Variants in GABRA1 observed in about 807,000 individuals in gnomAD.
The protein encoded by GABRA1 is gamma-aminobutyric acid type A receptor subunit alpha1.
A neutral mutation model predicts 48.9 loss-of-function variants in GABRA1; 9 were observed. The ratio of observed to expected loss-of-function variants is 0.18; its 90% CI spans 0.11 to 0.32. GABRA1 has a LOEUF of 0.32. Ranked by LOEUF, GABRA1 falls within the 10% of genes least tolerant of loss-of-function variation. The pLI is 1.00. For synonymous variants in GABRA1, 210 were observed against 198.7 expected, an observed-to-expected ratio of 1.06 and a Z score of -0.48; for missense variants, 285 against 553.8, an observed-to-expected ratio of 0.51 and a Z score of 4.87.
In GABRA1 at chr5:161,882,683, A is replaced by C; in HGVS notation, c.685A>C (p.Ile229Leu). ...DLLGQTVDSG[I>L]VQSSTGEYVV... ...TCTTGGACAAACAGTAGACTCTGGA[A>C]TTGTCCAGTCAAGTACAGGTAAGTA... The change falls in exon 7 of 10, where the codon ATT becomes CTT. Residue 229 changes from isoleucine (I) to leucine (L), a missense_variant. Coordinates refer to ENST00000393943, the MANE Select transcript of GABRA1 (RefSeq NM_001127644.2). 1 of 1,613,522 alleles carries C rather than the reference A, an allele frequency of 6.2e-7. No individual in the cohort carries two copies. The highest frequency in any genetic ancestry group is 8.5e-7 in the Non-Finnish European group (1 of 1,179,644).
chr5:161,892,183 G>C (rs913324358), intron 8 of GABRA1, among the ~76,000 whole-genome samples: 2 of 152,112 alleles, frequency 1.3e-5, no homozygotes, highest in Non-Finnish European at 2.9e-5. Context: ...TCACCACTAC[G>C]TATTTATTGG....
chr5:161,884,433 G>T (rs1012592010), intron 7 of GABRA1, among the ~76,000 whole-genome samples: 2 of 152,218 alleles, frequency 1.3e-5, no homozygotes, highest in Non-Finnish European at 2.9e-5. Flanking sequence ...ATTTTTTTGT[G>T]ATGGAAGAGA....
At chr5:161,883,256 T>C (rs1182968166) in intron 7 of GABRA1, among the ~76,000 whole-genome samples, 1 of 152,168 alleles carries the variant, frequency 6.6e-6, no homozygotes, top group Non-Finnish European at 1.5e-5. Flanking sequence ...TAACCAAGCA[T>C]CTTCCGCAGC....
chr5:161,850,762 A>T, intron 1 of GABRA1, 34 bp from the exon 2 acceptor site: 1 of 1,558,528 alleles, frequency 6.4e-7, no homozygotes. Context: ...GTTTCTTGCT[A>T]GAGACATTGA....
intron 7 of GABRA1, among the ~76,000 whole-genome samples, chr5:161,887,743 T>A (rs1754911125): frequency 2.0e-5 from 3 of 152,290 alleles, no homozygotes; most frequent in Admixed American, 6.5e-5. Context: ...AAGTGGTTGA[T>A]CTCTGACTTA....
At chr5:161,864,961 T>G (rs773346735) in intron 3 of GABRA1, among the ~76,000 whole-genome samples, 8 of 152,022 alleles carry the variant, frequency 5.3e-5, no homozygotes, top group Admixed American at 1.3e-4. Flanking sequence ...AAATTGTTCC[T>G]TTTCTGAAAG....
chr5:161,859,988 T>A (rs755367492), intron 3 of GABRA1, among the ~76,000 whole-genome samples: 1 of 151,842 alleles, frequency 6.6e-6, no homozygotes, highest in Non-Finnish European at 1.5e-5. Flanking sequence ...TGGCTTTTAA[T>A]GCAAGGTATG....
intron 4 of GABRA1, among the ~76,000 whole-genome samples, chr5:161,868,351 C>T (rs1753962441): frequency 6.6e-6 from 1 of 152,012 alleles, no homozygotes; most frequent in Non-Finnish European, 1.5e-5. Context: ...GAGAATTTTT[C>T]ACTCTTATAG....
chr5:161,897,506 T>C lies in GABRA1; in HGVS notation c.*84T>C, dbSNP rs543408244. ...AACGCAGTAATTCCCATCTGCTTTA[T>C]TGCCTCTGTCTTAAAGAATTTGAAA... On this transcript the variant is annotated 3_prime_UTR_variant, in exon 10 of 10. Transcript: ENST00000393943. The C allele has an allele frequency of 8.8e-6, 11 of 1,249,422 alleles. No individual in the cohort carries two copies. The South Asian group carries it at 1.1e-4, about 12-fold the overall frequency. 77.4% of individuals were successfully genotyped at this position (1,249,422 alleles called of 1,614,324 possible). A position where few individuals can be genotyped will look rare whatever the true frequency, so the allele number is the denominator to read the frequency against.
At chr5:161,853,173 C>T (rs751856421) in intron 2 of GABRA1, among the ~76,000 whole-genome samples, 1 of 151,812 alleles carries the variant, frequency 6.6e-6, no homozygotes, top group Non-Finnish European at 1.5e-5. Context: ...TCATGCTAAT[C>T]ATCACATAAA....
chr5:161,894,249 C>T (rs939470971), intron 8 of GABRA1, among the ~76,000 whole-genome samples: 9 of 152,032 alleles, frequency 5.9e-5, no homozygotes, highest in African/African-American at 2.2e-4. Context: ...CCCAGAAGCT[C>T]GTGATTTTAA....
chr5:161,875,687 C>T, intron 6 of GABRA1, 45 bp downstream of exon 6: 4 of 1,353,548 alleles, frequency 3.0e-6, no homozygotes, highest in Non-Finnish European at 4.2e-6. Flanking sequence ...AGTCATTAAG[C>T]AAGAGATCTC....
At chr5:161,893,023 ATAATAAT>A (rs1755181263) in intron 8 of GABRA1, among the ~76,000 whole-genome samples, 1 of 109,412 alleles carries the variant, frequency 9.1e-6, no homozygotes, top group African/African-American at 4.8e-5. Flanking sequence ...AATAATAATA[ATAATAAT>A]AATAATAATA....
chr5:161,855,456 A>T (rs995289071), intron 3 of GABRA1, among the ~76,000 whole-genome samples: 2 of 151,510 alleles, frequency 1.3e-5, no homozygotes, highest in African/African-American at 2.4e-5. Flanking sequence ...CTTTCTAATC[A>T]ATTTCAAACA....
chr5:161,851,771 T>G (rs946822988), intron 2 of GABRA1, among the ~76,000 whole-genome samples: 1 of 152,170 alleles, frequency 6.6e-6, no homozygotes, highest in Non-Finnish European at 1.5e-5. Context: ...GTTGTTGTTT[T>G]TTGCTATTGT....
intron 6 of GABRA1, among the ~76,000 whole-genome samples, chr5:161,877,643 A>G (rs1754419510): frequency 6.6e-6 from 1 of 152,204 alleles, no homozygotes; most frequent in Admixed American, 6.5e-5. Flanking sequence ...TCACATTGCC[A>G]ATGATATTTG....
At chr5:161,868,890 A>G (rs1220404978) in intron 4 of GABRA1, among the ~76,000 whole-genome samples, 2 of 152,174 alleles carry the variant, frequency 1.3e-5, no homozygotes, top group Non-Finnish European at 2.9e-5. Flanking sequence ...TATATTTTAC[A>G]TTTGGTCAAA....
At chr5:161,867,626 T>A (rs1042022485) in intron 4 of GABRA1, among the ~76,000 whole-genome samples, 1 of 152,160 alleles carries the variant, frequency 6.6e-6, no homozygotes, top group African/African-American at 2.4e-5. Context: ...TCAATAGTGC[T>A]CAATAAATGA....
In GABRA1 at chr5:161,851,775, C is replaced by T. The variant is rs1043897086; in HGVS notation, c.74+891C>T. On this transcript the variant is annotated intron_variant, in intron 2 of 9. Transcript: ENST00000393943. ...AGAAGTTTTCTGTTGTTGTTTTTTG[C>T]TATTGTGTATGGTAAACACTGACAG... 9.9e-5 allele frequency among the ~76,000 whole-genome samples: 15 copies of T among 152,156 alleles called. No homozygotes were observed. In the East Asian group the frequency reaches 2.9e-3, roughly 29 times the overall value.
Sources: allele counts gnomAD v4.1 joint callset (sites outside exome capture counted in the v4.1 genomes callset), GRCh38; gene constraint gnomAD v4.1.1; transcripts MANE v1.5; gene names NCBI Gene and HGNC (gene_info 2026-07-23, HGNC 2026-07-21).